The following SPAG16 variants were observed in gnomAD, a reference collection of about 807,000 sequenced individuals.
SPAG16 encodes the protein sperm-associated antigen 16 protein.
Under a neutral mutation model 80.4 loss-of-function variants are expected in SPAG16, and 86 were observed. That is an observed-to-expected ratio of 1.07 (90% CI 0.90 to 1.28). The LOEUF (loss-of-function observed/expected upper bound fraction) is 1.28, where lower values mean the gene tolerates loss of function less well. SPAG16 is among the 50% of genes most tolerant of loss of function. The pLI is 0.00. For missense variants in SPAG16, 870 were observed against 765.3 expected (o/e 1.14, Z -1.61); for synonymous variants, 294 against 265.9 (o/e 1.11, Z -1.03).
chr2:213,746,969 A>G (rs2067853708), intron 10 of SPAG16, among the ~76,000 whole-genome samples: 1 of 152,160 alleles, frequency 6.6e-6, no homozygotes, highest in Non-Finnish European at 1.5e-5. Context: ...TTAACTGTAA[A>G]TCAGTCTCAG....
At chr2:214,325,999 T>G (rs1452853181) in intron 15 of SPAG16, among the ~76,000 whole-genome samples, 1 of 152,140 alleles carries the variant, frequency 6.6e-6, no homozygotes, top group African/African-American at 2.4e-5. Flanking sequence ...ATATAATAGG[T>G]ATAGTGGATT....
At chr2:213,631,121 AT>A (rs2062135480) in intron 10 of SPAG16, among the ~76,000 whole-genome samples, 1 of 152,172 alleles carries the variant, frequency 6.6e-6, no homozygotes, top group Non-Finnish European at 1.5e-5. Context: ...CAAATTTGGC[AT>A]GACTTGTTTC....
chr2:213,322,332 T>C (rs896945781), intron 5 of SPAG16, among the ~76,000 whole-genome samples: 3 of 24,678 alleles, frequency 1.2e-4, no homozygotes, highest in Non-Finnish European at 1.6e-4. Flanking sequence ...GTGTAGACAA[T>C]GCAAAAAAAA....
chr2:214,254,616 C>A (rs957783429), intron 15 of SPAG16, among the ~76,000 whole-genome samples: 2 of 151,960 alleles, frequency 1.3e-5, no homozygotes, highest in Non-Finnish European at 2.9e-5. Flanking sequence ...GATGTGAGTT[C>A]TTTGAGAATG....
chr2:214,216,518 C>T (rs2058437412), intron 15 of SPAG16, among the ~76,000 whole-genome samples: 1 of 152,114 alleles, frequency 6.6e-6, no homozygotes, highest in South Asian at 2.1e-4. Flanking sequence ...GATGGGGTTC[C>T]ACCGTGTTGG....
intron 10 of SPAG16, among the ~76,000 whole-genome samples, chr2:213,771,577 T>G (rs908350281): frequency 6.6e-6 from 1 of 152,208 alleles, no homozygotes; most frequent in African/African-American, 2.4e-5. Context: ...AGGGTTTTTA[T>G]AGTTTTGGGT....
At chr2:214,171,559 C>G (rs553008694) in intron 15 of SPAG16, among the ~76,000 whole-genome samples, 35 of 152,036 alleles carry the variant, frequency 2.3e-4, no homozygotes, top group African/African-American at 8.4e-4. Context: ...CTAAGAAATT[C>G]TCATTAAACT....
chr2:214,193,395 ATGTGTGTG>A (rs60839638), intron 15 of SPAG16, among the ~76,000 whole-genome samples: 1 of 124,354 alleles, frequency 8.0e-6, no homozygotes, highest in South Asian at 2.8e-4. Flanking sequence ...GAGATCTTTT[ATGTGTGTG>A]TGTGTGTGTG....
At chr2:214,370,180 G>A (rs905623407) in intron 15 of SPAG16, among the ~76,000 whole-genome samples, 5 of 151,874 alleles carry the variant, frequency 3.3e-5, no homozygotes, top group South Asian at 2.1e-4. Flanking sequence ...TCTTTACCAG[G>A]TCCTCTTCTG....
At chr2:214,125,150 C>T (rs1299961226) in intron 14 of SPAG16, among the ~76,000 whole-genome samples, 5 of 150,884 alleles carry the variant, frequency 3.3e-5, no homozygotes, top group African/African-American at 4.9e-5. Flanking sequence ...CATTTAGATC[C>T]CTTATTCCAC....
At chr2:213,407,799 G>A (rs1309173398) in intron 9 of SPAG16, among the ~76,000 whole-genome samples, 1 of 121,702 alleles carries the variant, frequency 8.2e-6, no homozygotes, top group Non-Finnish European at 1.7e-5. Flanking sequence ...AGAGAGACAG[G>A]AGAGGCAGAG....
chr2:213,496,409 T>C (rs140258225), intron 10 of SPAG16, among the ~76,000 whole-genome samples: 246 of 152,220 alleles, frequency 1.6e-3, no homozygotes, highest in African/African-American at 5.6e-3. Context: ...GTTAAATGAT[T>C]GATGGTAATT....
intron 5 of SPAG16, among the ~76,000 whole-genome samples, chr2:213,328,018 T>G (rs896949205): frequency 2.0e-5 from 3 of 152,126 alleles, no homozygotes; most frequent in African/African-American, 7.2e-5. Context: ...AAATTTGATA[T>G]TTACAGAGGT....
intron 13 of SPAG16, among the ~76,000 whole-genome samples, chr2:214,082,111 C>T (rs368197367): frequency 3.3e-5 from 5 of 152,104 alleles, no homozygotes; most frequent in East Asian, 3.9e-4. Flanking sequence ...TCTTGCCCCT[C>T]GCTTTTGGCT....
chr2:213,949,237 C>G (rs2079624496), intron 12 of SPAG16, among the ~76,000 whole-genome samples: 1 of 108,548 alleles, frequency 9.2e-6, no homozygotes, highest in African/African-American at 3.6e-5. Flanking sequence ...GTGGTGTGAT[C>G]TCGGCTCACT....
At chr2:213,343,686 A>G (rs1486505062) in intron 6 of SPAG16, among the ~76,000 whole-genome samples, 2 of 152,112 alleles carry the variant, frequency 1.3e-5, no homozygotes, top group Non-Finnish European at 2.9e-5. Flanking sequence ...TGAAAAAAAC[A>G]TAATATGCAA....
chr2:213,590,077 C>G (rs948703068), intron 10 of SPAG16, among the ~76,000 whole-genome samples: 3 of 152,068 alleles, frequency 2.0e-5, no homozygotes, highest in African/African-American at 7.2e-5. Flanking sequence ...TAATTCTCAA[C>G]CAACTTGGCA....
At chr2:213,639,992 G>T (rs2062524851) in intron 10 of SPAG16, among the ~76,000 whole-genome samples, 1 of 151,956 alleles carries the variant, frequency 6.6e-6, no homozygotes, top group South Asian at 2.1e-4. Flanking sequence ...TTGTCTTTGA[G>T]CTCTGAAGGT....
At chr2:213,359,782 C>T (rs1360872759) in intron 7 of SPAG16, among the ~76,000 whole-genome samples, 1 of 152,150 alleles carries the variant, frequency 6.6e-6, no homozygotes, top group African/African-American at 2.4e-5. Flanking sequence ...GGGCTGCACC[C>T]ACTGTCCAAC....
Sources: allele counts gnomAD v4.1 joint callset (sites outside exome capture counted in the v4.1 genomes callset), GRCh38; gene constraint gnomAD v4.1.1; transcripts MANE v1.5; gene names NCBI Gene and HGNC (gene_info 2026-07-23, HGNC 2026-07-21).